PDGFD: variants seen among roughly 807,000 people sequenced by gnomAD.
PDGFD encodes platelet derived growth factor D.
In PDGFD, 30 loss-of-function variants were observed where a neutral mutation model predicts 44.7. The observed-to-expected ratio is 0.67, with a 90% CI of 0.50 to 0.91. The LOEUF is 0.91. PDGFD is among the 40% of genes least tolerant of loss of function. PDGFD has a pLI of 0.00. For synonymous variants in PDGFD, 173 were observed against 168.4 expected, an observed-to-expected ratio of 1.03 and a Z score of -0.21; for missense variants, 445 against 457.8, an observed-to-expected ratio of 0.97 and a Z score of 0.25.
At chr11:104,069,248 GT>G (rs1348914498) in intron 1 of PDGFD, among the ~76,000 whole-genome samples, 1 of 152,144 alleles carries the variant, frequency 6.6e-6, no homozygotes, top group Non-Finnish European at 1.5e-5. Flanking sequence ...TTTGTCTGAT[GT>G]TTCTTCATAA....
At chr11:104,145,942 C>CCAT (rs1357412603) in intron 1 of PDGFD, among the ~76,000 whole-genome samples, 1 of 152,168 alleles carries the variant, frequency 6.6e-6, no homozygotes, top group Non-Finnish European at 1.5e-5. Context: ...AAGATGGCGA[C>CCAT]CATCTATCAG....
At chr11:104,089,999 A>G (rs1861188161) in intron 1 of PDGFD, among the ~76,000 whole-genome samples, 1 of 152,196 alleles carries the variant, frequency 6.6e-6, no homozygotes, top group African/African-American at 2.4e-5. Context: ...ACCCCTATCA[A>G]TTAATGGAGA....
chr11:104,112,390 T>C (rs1443019612), intron 1 of PDGFD, among the ~76,000 whole-genome samples: 2 of 152,096 alleles, frequency 1.3e-5, no homozygotes, highest in Non-Finnish European at 2.9e-5. Context: ...GTTAGTTTTC[T>C]TGTGAGTTTA....
intron 1 of PDGFD, among the ~76,000 whole-genome samples, chr11:104,098,423 C>T (rs568616072): frequency 8.5e-5 from 13 of 152,096 alleles, no homozygotes; most frequent in African/African-American, 2.4e-4. Context: ...GTAGTTGCTC[C>T]CATAAGAAGT....
chr11:104,059,878 A>G (rs1860684189), intron 1 of PDGFD, among the ~76,000 whole-genome samples: 1 of 152,230 alleles, frequency 6.6e-6, no homozygotes, highest in African/African-American at 2.4e-5. Context: ...AAACTGGCTA[A>G]CACCTAGAAG....
intron 5 of PDGFD, among the ~76,000 whole-genome samples, chr11:103,931,673 G>A (rs1344280309): frequency 1.3e-5 from 2 of 151,972 alleles, no homozygotes; most frequent in East Asian, 1.9e-4. Context: ...CATAACTTCC[G>A]CCTCCCAGGT....
intron 3 of PDGFD, among the ~76,000 whole-genome samples, chr11:103,994,440 T>C (rs1216013098): frequency 6.6e-6 from 1 of 152,202 alleles, no homozygotes; most frequent in African/African-American, 2.4e-5. Context: ...ATAATGTAAA[T>C]CATGCTTGAT....
intron 3 of PDGFD, among the ~76,000 whole-genome samples, chr11:103,993,522 A>C (rs995839344): frequency 1.3e-5 from 2 of 152,004 alleles, no homozygotes; most frequent in African/African-American, 4.8e-5. Flanking sequence ...TGCCATTTTT[A>C]ATCCCACTAT....
At chr11:103,972,237 C>A (rs1859115582) in intron 3 of PDGFD, among the ~76,000 whole-genome samples, 1 of 152,142 alleles carries the variant, frequency 6.6e-6, no homozygotes, top group Non-Finnish European at 1.5e-5. Flanking sequence ...GTAGAATATT[C>A]ACCAGCATTC....
intron 1 of PDGFD, among the ~76,000 whole-genome samples, chr11:104,134,838 C>T (rs1861979269): frequency 6.6e-6 from 1 of 152,212 alleles, no homozygotes; most frequent in South Asian, 2.1e-4. Context: ...TTCTGACTGC[C>T]TCTTCCTTCT....
intron 1 of PDGFD, among the ~76,000 whole-genome samples, chr11:104,029,785 T>C (rs1422804301): frequency 6.6e-6 from 1 of 152,218 alleles, no homozygotes; most frequent in Non-Finnish European, 1.5e-5. Context: ...AAGAGTCTCA[T>C]GTCACAGAGG....
chr11:103,931,356 TC>T (rs1858396194), intron 5 of PDGFD, among the ~76,000 whole-genome samples: 1 of 152,184 alleles, frequency 6.6e-6, no homozygotes, highest in Admixed American at 6.5e-5. Flanking sequence ...GCACCTTTGT[TC>T]TCCACATGCA....
chr11:104,157,987 G>C (rs906765634), intron 1 of PDGFD, among the ~76,000 whole-genome samples: 4 of 152,064 alleles, frequency 2.6e-5, no homozygotes, highest in Non-Finnish European at 5.9e-5. Flanking sequence ...TAACACATAA[G>C]GCTTCAAATC....
chr11:104,118,752 A>ATTATAAATATTAATATATAAT (rs1565340062), intron 1 of PDGFD, among the ~76,000 whole-genome samples: 8 of 119,292 alleles, frequency 6.7e-5, no homozygotes, highest in African/African-American at 2.6e-4. Context: ...ATTATTATAT[A>ATTATAAATATTAATATATAAT]GTATATATTA....
At chr11:103,985,496 TGCCC>T (rs1859349397) in intron 3 of PDGFD, among the ~76,000 whole-genome samples, 1 of 151,678 alleles carries the variant, frequency 6.6e-6, no homozygotes, top group Non-Finnish European at 1.5e-5. Context: ...CTACTGTGCC[TGCCC>T]AAGGGCTAGT....
chr11:104,065,227 C>G (rs879841312), intron 1 of PDGFD, among the ~76,000 whole-genome samples: 5 of 152,128 alleles, frequency 3.3e-5, no homozygotes, highest in African/African-American at 4.8e-5. Flanking sequence ...ACTTTGTGAT[C>G]CTGTGACTTA....
intron 3 of PDGFD, among the ~76,000 whole-genome samples, chr11:103,969,240 A>T (rs1859066380): frequency 6.6e-6 from 1 of 152,180 alleles, no homozygotes; most frequent in South Asian, 2.1e-4. Flanking sequence ...ATGAAGATCT[A>T]TTATTAGCTA....
intron 1 of PDGFD, among the ~76,000 whole-genome samples, chr11:104,114,607 G>A (rs1284642887): frequency 1.3e-5 from 2 of 151,858 alleles, no homozygotes; most frequent in East Asian, 1.9e-4. Flanking sequence ...ATAAACTTTA[G>A]AATCAGTTTG....
intron 1 of PDGFD, among the ~76,000 whole-genome samples, chr11:104,119,239 T>G (rs1459391275): frequency 1.2e-3 from 35 of 28,964 alleles, no homozygotes; most frequent in African/African-American, 3.7e-3. Context: ...ATATATAATA[T>G]ATTAATATAA....
Sources: allele counts gnomAD v4.1 joint callset (sites outside exome capture counted in the v4.1 genomes callset), GRCh38; gene constraint gnomAD v4.1.1; transcripts MANE v1.5; gene names NCBI Gene and HGNC (gene_info 2026-07-23, HGNC 2026-07-21).